The following FTCDNL1 variants were observed in gnomAD, a reference collection of about 807,000 sequenced individuals.
FTCDNL1 encodes the protein formiminotransferase N-terminal subdomain-containing protein.
Under a neutral mutation model 5.9 loss-of-function variants are expected in FTCDNL1, and 11 were observed. That is an observed-to-expected ratio of 1.87 (90% CI 1.18 to 3.10). The LOEUF (loss-of-function observed/expected upper bound fraction) is 3.10. Ranked by LOEUF, FTCDNL1 falls within the 30% of genes most tolerant of loss-of-function variation. The pLI, the probability that FTCDNL1 is intolerant of heterozygous loss-of-function variation, is 0.00. For missense variants in FTCDNL1, 115 were observed against 65.5 expected, an observed-to-expected ratio of 1.76 and a Z score of -2.61; for synonymous variants, 58 against 24.8, an observed-to-expected ratio of 2.34 and a Z score of -3.99.
chr2:199,775,912 CTTTTT>C (rs71019085), intron 3 of FTCDNL1, among the ~76,000 whole-genome samples: 3 of 117,730 alleles, frequency 2.5e-5, no homozygotes. Context: ...GCAGGATCTC[CTTTTT>C]TTTTTTTTTT....
At chr2:199,722,382 C>T in the FTCDNL1 span, among the ~76,000 whole-genome samples, 2 of 152,096 alleles carry the variant, frequency 1.3e-5, no homozygotes, top group Admixed American at 6.6e-5. Context: ...ATTAAATAGG[C>T]AATCCTTTCC....
At chr2:199,833,030 C>A (rs921819095) in intron 3 of FTCDNL1, among the ~76,000 whole-genome samples, 1 of 151,412 alleles carries the variant, frequency 6.6e-6, no homozygotes, top group Non-Finnish European at 1.5e-5. Flanking sequence ...AGTCCAGTGG[C>A]ACCATCACAG....
chr2:199,843,334 T>G (rs2076641106), intron 3 of FTCDNL1, among the ~76,000 whole-genome samples: 1 of 152,214 alleles, frequency 6.6e-6, no homozygotes, highest in South Asian at 2.1e-4. Flanking sequence ...AATTTGAGAT[T>G]TAATGTAATT....
chr2:199,792,945 A>G (rs1295151047), intron 3 of FTCDNL1, among the ~76,000 whole-genome samples: 2 of 152,116 alleles, frequency 1.3e-5, no homozygotes, highest in East Asian at 1.9e-4. Flanking sequence ...TTCTCATTGT[A>G]TTGTCAAATA....
chr2:199,718,204 C>T, the FTCDNL1 span, among the ~76,000 whole-genome samples: 2 of 152,070 alleles, frequency 1.3e-5, no homozygotes, highest in Non-Finnish European at 2.9e-5. Context: ...ATTTTTCAAC[C>T]TCATCCCCCT....
chr2:199,833,581 A>C (rs777845072), intron 3 of FTCDNL1, among the ~76,000 whole-genome samples: 6 of 152,254 alleles, frequency 3.9e-5, no homozygotes, highest in Non-Finnish European at 8.8e-5. Context: ...AGCAATGTAT[A>C]AATAGCCTTC....
chr2:199,823,533 T>C (rs1701826228), intron 3 of FTCDNL1, among the ~76,000 whole-genome samples: 1 of 152,340 alleles, frequency 6.6e-6, no homozygotes, highest in African/African-American at 2.4e-5. Context: ...GGATGTTGTG[T>C]TAGCAGGCAT....
chr2:199,822,615 C>G (rs1180060654), intron 3 of FTCDNL1, among the ~76,000 whole-genome samples: 1 of 152,188 alleles, frequency 6.6e-6, no homozygotes, highest in African/African-American at 2.4e-5. Context: ...GAAAATTTCT[C>G]TGTAGCATGT....
At chr2:199,678,328 A>T in the FTCDNL1 span, among the ~76,000 whole-genome samples, 2 of 152,150 alleles carry the variant, frequency 1.3e-5, no homozygotes, top group African/African-American at 4.8e-5. Context: ...TAGATAGATT[A>T]TCTTTTTAGT....
At chr2:199,846,984 T>G (rs1026977891) in intron 2 of FTCDNL1, among the ~76,000 whole-genome samples, 2 of 152,302 alleles carry the variant, frequency 1.3e-5, no homozygotes, top group East Asian at 3.9e-4. Context: ...GCTTAACAAT[T>G]AATCTTTTCA....
downstream of FTCDNL1, chr2:199,760,455 C>T: frequency 4.7e-6 from 1 of 212,612 alleles, no homozygotes; most frequent in South Asian, 9.1e-5. Context: ...AGGGCTCCTT[C>T]CGGAGTGTAA....
At chr2:199,789,003 T>C (rs1176014014) in intron 3 of FTCDNL1, among the ~76,000 whole-genome samples, 3 of 149,518 alleles carry the variant, frequency 2.0e-5, no homozygotes, top group African/African-American at 7.4e-5. Context: ...GAAATTACCA[T>C]AGAAGAAAGC....
chr2:199,709,541 C>A, the FTCDNL1 span, among the ~76,000 whole-genome samples: 3 of 151,964 alleles, frequency 2.0e-5, no homozygotes, highest in Admixed American at 1.3e-4. Flanking sequence ...CTGAGAATTG[C>A]GTATGGAGTA....
chr2:199,787,069 T>C (rs571567051), intron 3 of FTCDNL1, among the ~76,000 whole-genome samples: 9 of 152,366 alleles, frequency 5.9e-5, no homozygotes, highest in African/African-American at 2.2e-4. Flanking sequence ...TGACCTCCTT[T>C]ACTGTCTCCC....
At chr2:199,707,999 A>G in the FTCDNL1 span, among the ~76,000 whole-genome samples, 1 of 151,970 alleles carries the variant, frequency 6.6e-6, no homozygotes, top group Non-Finnish European at 1.5e-5. Flanking sequence ...TTTGACTGTA[A>G]TTTCTACAAA....
At chr2:199,776,473 T>C (rs1699076574) in intron 3 of FTCDNL1, among the ~76,000 whole-genome samples, 1 of 152,242 alleles carries the variant, frequency 6.6e-6, no homozygotes, top group Admixed American at 6.5e-5. Flanking sequence ...TGCTGCCTTT[T>C]ATCCAATGGC....
intron 3 of FTCDNL1, among the ~76,000 whole-genome samples, chr2:199,775,638 T>C (rs1248670457): frequency 1.3e-5 from 2 of 152,186 alleles, no homozygotes; most frequent in African/African-American, 2.4e-5. Context: ...CTGCTAATAA[T>C]GGCAGCACTG....
chr2:199,846,047 T>C (rs1399104572), intron 3 of FTCDNL1, 28 bp downstream of exon 3: 2 of 676,390 alleles, frequency 3.0e-6, no homozygotes, highest in South Asian at 3.2e-5. Flanking sequence ...AAAAGACATA[T>C]ATGTAAAGAA....
the FTCDNL1 span, among the ~76,000 whole-genome samples, chr2:199,685,403 G>A: frequency 1.3e-5 from 2 of 151,924 alleles, no homozygotes; most frequent in Non-Finnish European, 2.9e-5. Context: ...AGCCACCTAA[G>A]ACCCTCCTCT....
Sources: allele counts gnomAD v4.1 joint callset (sites outside exome capture counted in the v4.1 genomes callset), GRCh38; gene constraint gnomAD v4.1.1; transcripts MANE v1.5; gene names NCBI Gene and HGNC (gene_info 2026-07-23, HGNC 2026-07-21).